Variants in PTPRD observed in about 807,000 individuals in gnomAD.
PTPRD encodes receptor-type tyrosine-protein phosphatase delta.
In PTPRD, 34 loss-of-function variants were observed where a neutral mutation model predicts 214.5. The observed-to-expected ratio is 0.16, with a 90% CI of 0.12 to 0.21. The LOEUF is 0.21. Ranked by LOEUF, PTPRD falls within the 10% of genes least tolerant of loss-of-function variation. The pLI is 1.00. For synonymous variants in PTPRD, 1,128 were observed against 845.7 expected, an observed-to-expected ratio of 1.33 and a Z score of -5.79; for missense variants, 2,545 against 2,398.7, an observed-to-expected ratio of 1.06 and a Z score of -1.27.
intron 3 of PTPRD, among the ~76,000 whole-genome samples, chr9:10,238,040 T>A (rs2099634716): frequency 6.6e-6 from 1 of 151,832 alleles, no homozygotes; most frequent in Non-Finnish European, 1.5e-5. Context: ...GCTTTTTTTT[T>A]TAAAAATCCT....
intron 12 of PTPRD, among the ~76,000 whole-genome samples, chr9:8,649,841 A>T (rs1268927422): frequency 6.6e-6 from 1 of 152,184 alleles, no homozygotes; most frequent in Non-Finnish European, 1.5e-5. Context: ...CAATGATAAG[A>T]TGCTTAAATA....
chr9:9,828,204 C>T (rs186021686), intron 5 of PTPRD, among the ~76,000 whole-genome samples: 286 of 152,116 alleles, frequency 1.9e-3, no homozygotes, highest in Non-Finnish European at 3.3e-3. Context: ...CACATACACA[C>T]GCATGTTTAT....
intron 9 of PTPRD, among the ~76,000 whole-genome samples, chr9:9,342,362 G>T (rs2047128466): frequency 6.6e-6 from 1 of 152,058 alleles, no homozygotes; most frequent in African/African-American, 2.4e-5. Context: ...AAATAAATTT[G>T]TATACTATTT....
At chr9:9,625,637 G>A (rs2095402994) in intron 7 of PTPRD, among the ~76,000 whole-genome samples, 1 of 151,496 alleles carries the variant, frequency 6.6e-6, no homozygotes. Context: ...AGGGCTCAAA[G>A]TCTGAGATAG....
chr9:10,412,560 A>C (rs1359880650), intron 2 of PTPRD, among the ~76,000 whole-genome samples: 1 of 151,574 alleles, frequency 6.6e-6, no homozygotes, highest in Non-Finnish European at 1.5e-5. Context: ...TCCCCAGCTC[A>C]TTTTATGAGG....
chr9:8,715,495 G>A (rs1565504623), intron 12 of PTPRD, among the ~76,000 whole-genome samples: 1 of 152,122 alleles, frequency 6.6e-6, no homozygotes, highest in Non-Finnish European at 1.5e-5. Context: ...TGCTCAGAGA[G>A]GTTAACAAAC....
chr9:9,747,737 G>C (rs1176824906), intron 6 of PTPRD, among the ~76,000 whole-genome samples: 8 of 151,962 alleles, frequency 5.3e-5, no homozygotes, highest in African/African-American at 1.9e-4. Flanking sequence ...ATTTTTAGTA[G>C]AGACAGGGTT....
intron 3 of PTPRD, among the ~76,000 whole-genome samples, chr9:10,141,126 A>G (rs1255375933): frequency 6.6e-6 from 1 of 152,116 alleles, no homozygotes; most frequent in Non-Finnish European, 1.5e-5. Context: ...ATCTATGACA[A>G]ACCCACAGCC....
chr9:8,986,915 C>T (rs565811024), intron 11 of PTPRD, among the ~76,000 whole-genome samples: 173 of 152,118 alleles, frequency 1.1e-3, no homozygotes, highest in African/African-American at 4.1e-3. Flanking sequence ...AATTGTCTGT[C>T]TCTGAGGACT....
intron 3 of PTPRD, among the ~76,000 whole-genome samples, chr9:10,338,360 A>G (rs2096880139): frequency 6.6e-6 from 1 of 151,728 alleles, no homozygotes; most frequent in African/African-American, 2.4e-5. Flanking sequence ...ATTTCTATCC[A>G]TACCAATATA....
At chr9:9,975,878 T>C (rs2095333052) in intron 4 of PTPRD, among the ~76,000 whole-genome samples, 1 of 152,196 alleles carries the variant, frequency 6.6e-6, no homozygotes, top group South Asian at 2.1e-4. Flanking sequence ...CCGTAAGATT[T>C]CTGTGAGGTG....
At chr9:9,022,151 A>G (rs1003394139) in intron 10 of PTPRD, among the ~76,000 whole-genome samples, 1 of 143,824 alleles carries the variant, frequency 7.0e-6, no homozygotes, top group Non-Finnish European at 1.6e-5. Context: ...AAAAATAAAA[A>G]TAAAAGATGT....
At chr9:9,871,415 T>A (rs1235633138) in intron 5 of PTPRD, among the ~76,000 whole-genome samples, 4 of 152,198 alleles carry the variant, frequency 2.6e-5, no homozygotes, top group South Asian at 2.1e-4. Context: ...TTTTGAATAT[T>A]TTCTGATATT....
At chr9:10,478,083 C>T (rs1243403265) in intron 2 of PTPRD, among the ~76,000 whole-genome samples, 3 of 151,736 alleles carry the variant, frequency 2.0e-5, no homozygotes, top group Non-Finnish European at 4.4e-5. Flanking sequence ...CACCATGGTA[C>T]ATGTATACCT....
intron 3 of PTPRD, among the ~76,000 whole-genome samples, chr9:10,294,719 A>G (rs543830417): frequency 8.5e-4 from 129 of 151,996 alleles, no homozygotes; most frequent in Non-Finnish European, 5.4e-4. Flanking sequence ...TAAATTATGT[A>G]GCTAGAATGT....
intron 3 of PTPRD, among the ~76,000 whole-genome samples, chr9:10,285,419 T>C (rs2095311778): frequency 6.6e-6 from 1 of 152,112 alleles, no homozygotes; most frequent in Admixed American, 6.5e-5. Context: ...TTTCATTCTT[T>C]GTGGCAAAAC....
At chr9:9,423,957 A>G (rs1187369981) in intron 8 of PTPRD, among the ~76,000 whole-genome samples, 1 of 152,224 alleles carries the variant, frequency 6.6e-6, no homozygotes, top group African/African-American at 2.4e-5. Context: ...CACCACTCCA[A>G]GATTAAGGCA....
At chr9:10,455,987 T>C (rs1466297794) in intron 2 of PTPRD, among the ~76,000 whole-genome samples, 2 of 151,834 alleles carry the variant, frequency 1.3e-5, no homozygotes, top group African/African-American at 2.4e-5. Flanking sequence ...TCTCATATTA[T>C]ATAGCTGTCT....
At chr9:9,495,259 G>C (rs1261072773) in intron 8 of PTPRD, among the ~76,000 whole-genome samples, 1 of 142,234 alleles carries the variant, frequency 7.0e-6, no homozygotes, top group Non-Finnish European at 1.5e-5. Context: ...AGGCAGCAGA[G>C]AAATTCTAGG....
Sources: allele counts gnomAD v4.1 joint callset (sites outside exome capture counted in the v4.1 genomes callset), GRCh38; gene constraint gnomAD v4.1.1; transcripts MANE v1.5; gene names NCBI Gene and HGNC (gene_info 2026-07-23, HGNC 2026-07-21).